Variants in STPG2 observed in about 807,000 individuals in gnomAD.
STPG2 encodes the protein sperm tail PG-rich repeat containing 2.
STPG2 carries 56 observed loss-of-function variants against 54.2 expected under a neutral mutation model. The observed-to-expected ratio is 1.03, with a 90% CI of 0.83 to 1.29. STPG2 has a LOEUF of 1.29. Among genes scored for constraint, STPG2 ranks in the 50% most tolerant of loss-of-function variants. The pLI is 0.00. For synonymous variants in STPG2, 200 were observed against 181.8 expected (o/e 1.10, Z -0.81); for missense variants, 596 against 544.9 (o/e 1.09, Z -0.93).
At chr4:97,558,131 A>G (rs1171662349), downstream of STPG2, among the ~76,000 whole-genome samples, 1 of 152,226 alleles carries the variant, frequency 6.6e-6, no homozygotes, top group African/African-American at 2.4e-5. Context: ...CCTTATGATA[A>G]AATACACACA....
At chr4:97,803,241 A>G (rs564773254) in intron 9 of STPG2, among the ~76,000 whole-genome samples, 90 of 152,328 alleles carry the variant, frequency 5.9e-4, no homozygotes, top group Middle Eastern at 3.4e-3. Flanking sequence ...CTTGATAAGA[A>G]GTTTGTTTCA....
At chr4:97,561,369 T>C (rs531993370) in intron 10 of STPG2, among the ~76,000 whole-genome samples, 1 of 152,364 alleles carries the variant, frequency 6.6e-6, no homozygotes, top group Middle Eastern at 3.4e-3. Context: ...ATAAGTAGTT[T>C]GCGAAAATTT....
At chr4:98,085,856 T>C (rs991906699) in intron 5 of STPG2, among the ~76,000 whole-genome samples, 8 of 152,002 alleles carry the variant, frequency 5.3e-5, no homozygotes, top group Non-Finnish European at 1.2e-4. Flanking sequence ...TCTTCAAGAG[T>C]ATTAAAATTA....
At chr4:97,551,216 G>T (rs1237851790) in intron 4 of STPG2, among the ~76,000 whole-genome samples, 1 of 152,060 alleles carries the variant, frequency 6.6e-6, no homozygotes, top group Non-Finnish European at 1.5e-5. Flanking sequence ...AGACAGAAAA[G>T]TTCTCCAAGT....
Position 97,515,038 on chromosome 4 carries a change from T to A in STPG2, c.462+197661A>T, listed in dbSNP as rs146847535. ...AGAACTTTTGACAAAATCAAAAATT[T>A]ATCTGGAATTGATCACCCTAAGATG... On this transcript the variant is annotated intron_variant, in intron 4 of 4. Transcript: ENST00000522676. Among the ~76,000 whole-genome samples, 18 of 152,246 alleles carry A rather than the reference T, an allele frequency of 1.2e-4. No homozygotes were observed. The East Asian group carries it at 3.3e-3, about 28-fold the overall frequency.
chr4:97,781,491 C>A (rs1214856556), intron 9 of STPG2, among the ~76,000 whole-genome samples: 1 of 152,200 alleles, frequency 6.6e-6, no homozygotes, highest in African/African-American at 2.4e-5. Context: ...CAGCCGAATT[C>A]TACCAGAGGT....
At chr4:97,484,168 A>G (rs1443693395) in intron 4 of STPG2, among the ~76,000 whole-genome samples, 1 of 151,818 alleles carries the variant, frequency 6.6e-6, no homozygotes, top group African/African-American at 2.4e-5. Flanking sequence ...AGAACTAGAG[A>G]AACAAGAACA....
chr4:97,445,514 A>G (rs888640700), intron 4 of STPG2, among the ~76,000 whole-genome samples: 2 of 152,218 alleles, frequency 1.3e-5, no homozygotes, highest in African/African-American at 2.4e-5. Context: ...AAATATTATC[A>G]TTTTGGCATG....
chr4:98,043,750 T>C (rs948927565), intron 5 of STPG2, among the ~76,000 whole-genome samples: 7 of 152,304 alleles, frequency 4.6e-5, no homozygotes, highest in Admixed American at 6.5e-5. Flanking sequence ...GTCTAAATTC[T>C]TTTATGAATT....
At chr4:97,595,415 C>T (rs1002536387) in intron 10 of STPG2, among the ~76,000 whole-genome samples, 20 of 151,608 alleles carry the variant, frequency 1.3e-4, no homozygotes, top group African/African-American at 4.6e-4. Context: ...CACTTGGACA[C>T]AGGAAGGGGA....
At chr4:98,017,759 T>C (rs1285938169) in intron 5 of STPG2, among the ~76,000 whole-genome samples, 2 of 152,182 alleles carry the variant, frequency 1.3e-5, no homozygotes, top group East Asian at 3.9e-4. Flanking sequence ...AGGGAGGACC[T>C]GGTGGGAGGA....
chr4:98,028,286 A>G (rs1268970400), intron 5 of STPG2, among the ~76,000 whole-genome samples: 3 of 152,224 alleles, frequency 2.0e-5, no homozygotes, highest in Non-Finnish European at 4.4e-5. Context: ...TTGGCTTAAC[A>G]GTTCTTCCTT....
In STPG2 at chr4:97,612,146, AT is replaced by A. The variant is rs758111979; in HGVS notation, c.1321-53030del. On this transcript the variant is annotated intron_variant, in intron 10 of 10. Coordinates refer to ENST00000295268, the MANE Select transcript of STPG2 (RefSeq NM_174952.3). ...ACTAGACATTTCACATACAAAAAAA[AT>A]AAAATTGGTTAATAAATATTTAAGA... Among the ~76,000 whole-genome samples the A allele has an allele frequency of 3.9e-5, 6 of 151,970 alleles. No homozygotes were observed. The South Asian group carries it at 8.3e-4, about 21-fold the overall frequency.
chr4:97,590,721 T>A (rs1227285235), intron 10 of STPG2, among the ~76,000 whole-genome samples: 4 of 149,736 alleles, frequency 2.7e-5, no homozygotes, highest in Non-Finnish European at 5.9e-5. Flanking sequence ...GACTCAAGTA[T>A]TAACAAAAAT....
chr4:97,455,244 C>T (rs1409659466), intron 4 of STPG2, among the ~76,000 whole-genome samples: 2 of 152,102 alleles, frequency 1.3e-5, no homozygotes, highest in African/African-American at 4.8e-5. Flanking sequence ...AAGAGAATGG[C>T]AGGGCCTATG....
At chr4:97,706,310 TCC>T (rs2149002120) in intron 10 of STPG2, among the ~76,000 whole-genome samples, 1 of 152,254 alleles carries the variant, frequency 6.6e-6, no homozygotes, top group East Asian at 1.9e-4. Context: ...TTACTGTCAA[TCC>T]ATATGTTGAA....
At chr4:97,645,055 A>T (rs1721871483) in intron 10 of STPG2, among the ~76,000 whole-genome samples, 1 of 152,064 alleles carries the variant, frequency 6.6e-6, no homozygotes, top group Non-Finnish European at 1.5e-5. Context: ...CTAAACGTAC[A>T]ATTATGAAAT....
intron 5 of STPG2, among the ~76,000 whole-genome samples, chr4:98,012,137 A>ATAAG (rs60988729): frequency 0.39 from 59,672 of 151,226 alleles, 11,917 homozygotes; most frequent in Middle Eastern, 0.46. Context: ...TGTATAATGC[A>ATAAG]TAAGGGGTCC....
At chr4:97,908,406 C>T (rs1415515627) in intron 8 of STPG2, among the ~76,000 whole-genome samples, 11 of 149,330 alleles carry the variant, frequency 7.4e-5, no homozygotes, top group African/African-American at 1.3e-4. Flanking sequence ...AACACTTTTA[C>T]GCTGTTGGTG....
Sources: gnomAD v4.1 joint callset for allele counts (sites outside exome capture counted in the v4.1 genomes callset) on GRCh38, gnomAD v4.1.1 for gene constraint, MANE v1.5 for transcripts, NCBI Gene and HGNC (gene_info 2026-07-23, HGNC 2026-07-21) for gene names.